KANSL1L: variants seen among roughly 807,000 people sequenced by gnomAD.
The protein encoded by KANSL1L is KAT8 regulatory NSL complex subunit 1-like protein.
In KANSL1L, 25 loss-of-function variants were observed where a neutral mutation model predicts 108.6. That is an observed-to-expected ratio of 0.23 (90% confidence interval 0.17 to 0.32). KANSL1L has a LOEUF of 0.32. Among genes scored for constraint, KANSL1L ranks in the 10% least tolerant of loss-of-function variants. KANSL1L has a pLI of 1.00. For missense variants in KANSL1L, 1,137 were observed against 1,125.7 expected (o/e 1.01, Z -0.14); for synonymous variants, 405 against 395.1 (o/e 1.03, Z -0.30).
rs1364172355 is a variant in KANSL1L, at chr2:210,157,465, G to A, written c.-29-2854C>T. On this transcript the variant is annotated intron_variant, in intron 1 of 14. Transcript: ENST00000281772. ...AATACAAGCACTTTGGGAAGTCAAG[G>A]TGAAGGATTGCTGGAGCCCTGGAGT... Among the ~76,000 whole-genome samples the A allele has an allele frequency of 2.0e-5, 3 of 151,982 alleles. No homozygotes were observed. The East Asian group carries it at 5.8e-4, about 29-fold the overall frequency.
chr2:210,065,681 G>A (rs1383953965), intron 6 of KANSL1L, among the ~76,000 whole-genome samples: 1 of 149,746 alleles, frequency 6.7e-6, no homozygotes, highest in Admixed American at 6.8e-5. Flanking sequence ...CGCCTCCCAG[G>A]TTCAAGGGAT....
At chr2:210,132,906 A>AAATT (rs2095134899) in intron 2 of KANSL1L, among the ~76,000 whole-genome samples, 1 of 152,174 alleles carries the variant, frequency 6.6e-6, no homozygotes, top group Non-Finnish European at 1.5e-5. Context: ...AGTTTCAATG[A>AAATT]AATTAATCAG....
chr2:210,043,783 C>A, intron 7 of KANSL1L, 156 bp downstream of exon 7: 1 of 463,168 alleles, frequency 2.2e-6, no homozygotes, highest in Non-Finnish European at 3.7e-6. Context: ...TAGATTAATT[C>A]CTCTACAACA....
At chr2:210,163,329 A>G (rs1311422446) in intron 1 of KANSL1L, among the ~76,000 whole-genome samples, 1 of 152,220 alleles carries the variant, frequency 6.6e-6, no homozygotes, top group Non-Finnish European at 1.5e-5. Flanking sequence ...AGAGAATAAA[A>G]ATGAAATGCT....
rs1476632755 is a variant in KANSL1L, at chr2:210,024,178, C to A, written c.2588G>T (p.Gly863Val). 1 of 1,585,624 alleles carries A rather than the reference C, an allele frequency of 6.3e-7. No individual in the cohort carries two copies. Among genetic ancestry groups the A allele is most frequent in the Admixed American group, 1.8e-5 (1 of 54,916 alleles). ...GTATTCTTTCAAAAGCAAGTCCTGT[C>A]CTTCAACATTTTTACTGTAAGCTCT... ...NSRAYSKNVE[G>V]QDLLLKEYPN... The change falls in exon 14 of 15, where the codon GGA becomes GTA. Residue 863 changes from glycine (G) to valine (V), a missense_variant. This residue lies in a region of KANSL1L where 575 missense variants were observed against 567.1 expected (regional missense o/e 1.01). Transcript: ENST00000281772.
intron 8 of KANSL1L, among the ~76,000 whole-genome samples, chr2:210,036,887 G>T (rs2094110339): frequency 6.6e-6 from 1 of 151,980 alleles, no homozygotes; most frequent in Admixed American, 6.6e-5. Flanking sequence ...CTCCCAAGTA[G>T]CTAGGACAAC....
At chr2:210,117,240 T>C (rs932192048) in intron 3 of KANSL1L, among the ~76,000 whole-genome samples, 1 of 152,068 alleles carries the variant, frequency 6.6e-6, no homozygotes, top group Non-Finnish European at 1.5e-5. Context: ...AAAGCACACC[T>C]ACCAGATCAA....
intron 6 of KANSL1L, among the ~76,000 whole-genome samples, chr2:210,061,416 C>T (rs1559524929): frequency 6.6e-6 from 1 of 152,042 alleles, no homozygotes; most frequent in Non-Finnish European, 1.5e-5. Context: ...CGTTGCACAG[C>T]AACTGGGTAT....
Position 210,022,955 on chromosome 2 carries a change from A to G in KANSL1L, c.2958T>C (p.Asn986=), listed in dbSNP as rs377217595. 3.1e-6 allele frequency: 5 copies of G among 1,601,488 alleles called. No homozygotes were observed. Among genetic ancestry groups the G allele is most frequent in the African/African-American group, 1.3e-5 (1 of 74,480 alleles). The change falls in exon 15 of 15, where the codon AAT becomes AAC. Residue 986 remains asparagine, a synonymous_variant. Coordinates refer to ENST00000281772, the MANE Select transcript of KANSL1L (RefSeq NM_152519.4). ...TTTCTTAACCTGTTCCCTGTCACCTATTTTTTTTAACATTAGTAAGTCCTA... is the reference window on the plus strand; with the variant it reads ...TTTCTTAACCTGTTCCCTGTCACCTGTTTTTTTTAACATTAGTAAGTCCTA... ...FGLGLTNVKK[N]R is the part of the protein sequence containing the mutation.
At chr2:210,078,776 C>A (rs1270632363) in intron 5 of KANSL1L, among the ~76,000 whole-genome samples, 1 of 152,104 alleles carries the variant, frequency 6.6e-6, no homozygotes, top group African/African-American at 2.4e-5. Flanking sequence ...TGATCCTGTG[C>A]CTCTGTAATC....
At chr2:210,030,528 C>T (rs1262863623) in intron 9 of KANSL1L, among the ~76,000 whole-genome samples, 2 of 127,490 alleles carry the variant, frequency 1.6e-5, no homozygotes, top group Non-Finnish European at 3.4e-5. Context: ...GTTTTGGTTC[C>T]CAGTTACTGT....
intron 8 of KANSL1L, among the ~76,000 whole-genome samples, chr2:210,038,504 G>T (rs2094131876): frequency 6.6e-6 from 1 of 151,962 alleles, no homozygotes; most frequent in South Asian, 2.1e-4. Context: ...GGCAAAAGTA[G>T]TAAATATTTG....
At chr2:210,169,055 A>G (rs1284967712) in intron 1 of KANSL1L, among the ~76,000 whole-genome samples, 1 of 152,152 alleles carries the variant, frequency 6.6e-6, no homozygotes, top group Non-Finnish European at 1.5e-5. Context: ...ACTAGGTGAT[A>G]AACAAAGACA....
At chr2:210,139,477 C>T (rs563802502) in intron 2 of KANSL1L, among the ~76,000 whole-genome samples, 1 of 152,244 alleles carries the variant, frequency 6.6e-6, no homozygotes, top group South Asian at 2.1e-4. Context: ...TCCAGAGAAA[C>T]CTCCTTACTA....
chr2:210,046,663 T>C (rs1249375872), intron 6 of KANSL1L, among the ~76,000 whole-genome samples: 1 of 152,130 alleles, frequency 6.6e-6, no homozygotes, highest in East Asian at 1.9e-4. Flanking sequence ...TCCACAGCTA[T>C]TGGCTGCAGT....
intron 3 of KANSL1L, among the ~76,000 whole-genome samples, chr2:210,124,798 A>T (rs1232471825): frequency 6.6e-6 from 1 of 152,162 alleles, no homozygotes; most frequent in African/African-American, 2.4e-5. Context: ...AAATACTAAA[A>T]TCAGAAATAA....
Position 210,104,188 on chromosome 2 carries a change from C to A in KANSL1L, c.1344G>T (p.Gln448His). 6.2e-7 allele frequency: 1 copy of A among 1,613,904 alleles called. No homozygotes were observed. The highest frequency in any genetic ancestry group is 1.3e-5 in the African/African-American group (1 of 75,042). ...LNILGNPQVP[Q>H]ECQDPVPEQD... ...GTTCCGGTACAGGATCTTGACACTC[C>A]TGGGGAACCTGAGGATTCCCTAGAA... The change falls in exon 4 of 15, where the codon CAG (glutamine) becomes CAT (histidine). Residue 448 changes from glutamine (Q) to histidine (H), a missense_variant. Transcript: ENST00000281772.
At chr2:210,167,854 C>A (rs900136172) in intron 1 of KANSL1L, among the ~76,000 whole-genome samples, 1 of 151,900 alleles carries the variant, frequency 6.6e-6, no homozygotes, top group African/African-American at 2.4e-5. Context: ...TATAGACTAT[C>A]TACTGGCAAG....
rs201762929 is a variant in KANSL1L at position 210,024,156 on chromosome 2, T to G, written c.2610A>C (p.Glu870Asp). Residue 870 changes from glutamate (E) to aspartate (D), a missense_variant, in exon 14 of 15, where the codon GAA (glutamate) becomes GAC (aspartate). By Grantham distance (45) the Glu-to-Asp change is conservative. Transcript: ENST00000281772. ...GACTGCTACTGAAGTTATTAGGGTA[T>G]TCTTTCAAAAGCAAGTCCTGTCCTT... Reference protein sequence around the residue: ...NVEGQDLLLKEYPNNFSSSQQ... With the variant: ...NVEGQDLLLKDYPNNFSSSQQ... 6.2e-7 allele frequency: 1 copy of G among 1,608,052 alleles called. No homozygotes were observed. The highest frequency in any genetic ancestry group is 1.3e-5 in the African/African-American group (1 of 74,728).
Sources: gnomAD v4.1 joint callset for allele counts (sites outside exome capture counted in the v4.1 genomes callset) on GRCh38, gnomAD v4.1.1 for gene constraint, gnomAD v4.1.1 regional missense constraint, MANE v1.5 for transcripts, NCBI Gene and HGNC (gene_info 2026-07-23, HGNC 2026-07-21) for gene names.